The following MLC1 variants were observed in gnomAD, a reference collection of about 807,000 sequenced individuals.
MLC1 encodes the protein modulator of VRAC current 1, also known as membrane protein MLC1.
A neutral mutation model predicts 44.7 loss-of-function variants in MLC1; 32 were observed. The observed-to-expected ratio is 0.72, with a 90% CI of 0.54 to 0.96. The LOEUF (loss-of-function observed/expected upper bound fraction) is 0.96. Among genes scored for constraint, MLC1 ranks in the 40% least tolerant of loss-of-function variants. MLC1 has a pLI of 0.00. For missense variants in MLC1, 459 were observed against 492.2 expected (o/e 0.93, Z 0.64); for synonymous variants, 190 against 213.0 (o/e 0.89, Z 0.94).
Position 50,085,371 on chromosome 22 carries a change from C to T in MLC1, c.-76G>A. On this transcript the variant is annotated 5_prime_UTR_variant, in exon 1 of 12. Coordinates refer to ENST00000311597, the MANE Select transcript of MLC1 (RefSeq NM_015166.4). ...AGCACTTACCTCCCCCGCTGCTCTG[C>T]CGTTGGGAGCACTGGTCTCTGGGTG... The T allele has an allele frequency of 4.1e-6, 1 of 245,562 alleles. No homozygotes were observed. Among genetic ancestry groups the T allele is most frequent in the East Asian group, 1.1e-4 (1 of 9,078 alleles). 15.2% of individuals were successfully genotyped at this position (245,562 alleles called of 1,614,324 possible). A position where few individuals can be genotyped will look rare whatever the true frequency, so the allele number is the denominator to read the frequency against.
chr22:50,068,281 C>A, intron 10 of MLC1, 152 bp downstream of exon 10: 1 of 1,167,256 alleles, frequency 8.6e-7, no homozygotes, highest in Non-Finnish European at 1.2e-6. Flanking sequence ...TTGGGGAGCA[C>A]GGTCACCGCT....
At chr22:50,063,780 CCCCCCA>C (rs2061630060) in intron 11 of MLC1, among the ~76,000 whole-genome samples, 3 of 94,230 alleles carry the variant, frequency 3.2e-5, no homozygotes, top group East Asian at 3.1e-4. Flanking sequence ...CCTGGCTGGG[CCCCCCA>C]TGGGCCACTC....
At position 50,080,411 on chromosome 22, in the gene MLC1, G is replaced by A. The variant is rs374392611; in HGVS notation, c.268-14C>T. 74 of 1,597,636 alleles carry A rather than the reference G, an allele frequency of 4.6e-5. No individual in the cohort carries two copies. The African/African-American group carries it at 5.9e-4, about 13-fold the overall frequency. On this transcript the variant is annotated splice_polypyrimidine_tract_variant and intron_variant, in intron 3 of 11. Coordinates refer to ENST00000311597, the MANE Select transcript of MLC1 (RefSeq NM_015166.4). ...CGAGGGGATGCACTGGAATGAAACC[G>A]GAATCCCATGAGCCTGCCGCTCACC...
Position 50,064,162 on chromosome 22 carries a change from C to CTAGCAGCAG in MLC1, c.922_930dup (p.Leu308_Leu310dup). 6.2e-7 allele frequency: 1 copy of CTAGCAGCAG among 1,605,848 alleles called. No individual in the cohort carries two copies. Among genetic ancestry groups the CTAGCAGCAG allele is most frequent in the Non-Finnish European group, 8.5e-7 (1 of 1,179,552 alleles). ...TTGAGGCCGGCCTGCAGCAGGAGCACTAGCAGCAGCAGCAGCAGCAGCACA... is the reference window on the plus strand; with the variant it reads ...TTGAGGCCGGCCTGCAGCAGGAGCACTAGCAGCAGTAGCAGCAGCAGCAGCAGCAGCACA... On this transcript the variant is annotated inframe_insertion, in exon 11 of 12. Coordinates refer to ENST00000311597, the MANE Select transcript of MLC1 (RefSeq NM_015166.4).
intron 11 of MLC1, among the ~76,000 whole-genome samples, chr22:50,062,246 C>A (rs1028413187): frequency 7.2e-6 from 1 of 138,632 alleles, no homozygotes; most frequent in Non-Finnish European, 1.6e-5. Flanking sequence ...GAGCCCCAAC[C>A]GCCCACCCTG....
At chr22:50,072,018 G>A (rs922545016) in intron 8 of MLC1, among the ~76,000 whole-genome samples, 4 of 152,212 alleles carry the variant, frequency 2.6e-5, no homozygotes, top group Admixed American at 1.3e-4. Flanking sequence ...CTGCTGAGGT[G>A]GGTGTGGCCC....
At position 50,061,444 on chromosome 22, in the gene MLC1, A is replaced by G; in HGVS notation, c.*139T>C. 1 of 920,088 alleles carries G rather than the reference A, an allele frequency of 1.1e-6. No homozygotes were observed. Among genetic ancestry groups the G allele is most frequent in the Admixed American group, 1.8e-5 (1 of 54,498 alleles). 57.0% of individuals were successfully genotyped at this position (920,088 alleles called of 1,614,324 possible). A position where few individuals can be genotyped will look rare whatever the true frequency, so the allele number is the denominator to read the frequency against. ...AAAATTAAACTACCCTAGGAAGTGA[A>G]AACCCCACCTGCAGCCTGGTTTGCC... On this transcript the variant is annotated 3_prime_UTR_variant, in exon 12 of 12. Transcript: ENST00000311597.
Position 50,083,662 on chromosome 22 carries a change from A to T in MLC1, c.178-489T>A, listed in dbSNP as rs2146936973. The stretch of plus-strand genomic sequence containing the variant: ...GCCCAGGGGCTCCTGAGCAGGGAAG[A>T]CCCTAGCAGGAGGCAGGGAGGGTGC... On this transcript the variant is annotated intron_variant, in intron 2 of 11. Transcript: ENST00000311597. The surrounding 1 kb of genome is among the most constrained non-coding windows in gnomAD (Gnocchi z 4.6). Among the ~76,000 whole-genome samples the T allele has an allele frequency of 6.6e-6, 1 of 152,248 alleles. No homozygotes were observed. Among genetic ancestry groups the T allele is most frequent in the East Asian group, 1.9e-4 (1 of 5,170 alleles).
chr22:50,063,107 C>T (rs1359184356), intron 11 of MLC1, among the ~76,000 whole-genome samples: 1 of 152,166 alleles, frequency 6.6e-6, no homozygotes, highest in East Asian at 1.9e-4. Context: ...AAGAGCAAAT[C>T]TGAAAGCATT....
In MLC1 at chr22:50,061,334, C is replaced by T. The variant is rs966986718; in HGVS notation, c.*249G>A. ...CCTTCCTCGGCCTGGGAAGTTGCGG[C>T]CATGCTCCTGCTGTTACGACACGGG... On this transcript the variant is annotated 3_prime_UTR_variant, in exon 12 of 12. Transcript: ENST00000311597. 3.4e-5 allele frequency: 19 copies of T among 557,846 alleles called. No homozygotes were observed. Among genetic ancestry groups the T allele is most frequent in the Non-Finnish European group, 6.2e-5 (19 of 308,912 alleles). 34.6% of individuals were successfully genotyped at this position (557,846 alleles called of 1,614,324 possible).
At chr22:50,085,016 T>C in intron 1 of MLC1, 55 bp from the exon 2 acceptor site, 2 of 1,524,452 alleles carry the variant, frequency 1.3e-6, no homozygotes, top group South Asian at 1.2e-5. Flanking sequence ...CAATAAGTTG[T>C]TTCCAAGAAA....
chr22:50,080,555 C>T (rs1321741575), intron 3 of MLC1, among the ~76,000 whole-genome samples, 158 bp from the exon 4 acceptor site: 3 of 152,098 alleles, frequency 2.0e-5, no homozygotes, highest in Non-Finnish European at 4.4e-5. Context: ...CTAGAAGGCC[C>T]CCAGGTACTT....
At chr22:50,072,062 C>T (rs945395048) in intron 8 of MLC1, among the ~76,000 whole-genome samples, 4 of 152,234 alleles carry the variant, frequency 2.6e-5, no homozygotes, top group South Asian at 2.1e-4. Flanking sequence ...ATACAGGGGT[C>T]TCTCCTGGGC....
intron 7 of MLC1, chr22:50,074,600 G>T (rs964636177): frequency 2.1e-5 from 10 of 471,688 alleles, no homozygotes; most frequent in African/African-American, 2.0e-4. Context: ...GAAACTGAGG[G>T]TATTGACCTG....
intron 10 of MLC1, 58 bp downstream of exon 10, chr22:50,068,375 C>T (rs1046771784): frequency 9.4e-6 from 15 of 1,602,532 alleles, no homozygotes; most frequent in Non-Finnish European, 8.5e-7. Context: ...CAGCAAGGGC[C>T]AGGCCAACAC....
intron 11 of MLC1, among the ~76,000 whole-genome samples, chr22:50,063,102 C>T (rs575533197): frequency 6.6e-6 from 1 of 152,260 alleles, no homozygotes; most frequent in South Asian, 2.1e-4. Context: ...TCTCTAAGAG[C>T]AAATCTGAAA....
chr22:50,076,767 CG>C (rs2061991257), intron 7 of MLC1, 73 bp downstream of exon 7: 1 of 1,520,184 alleles, frequency 6.6e-7, no homozygotes, highest in Non-Finnish European at 9.1e-7. Flanking sequence ...GGAATCGAAA[CG>C]TGACGTTTAA....
rs537989418 is a variant in MLC1 at position 50,064,800 on chromosome 22, C to T, written c.895-602G>A. The stretch of plus-strand genomic sequence containing the variant: ...CAAAACCCTCTGTGCCCATGGATAG[C>T]TTTCCCGTGTTGGCTCAAGAAAAAC... On this transcript the variant is annotated intron_variant, in intron 10 of 11. Coordinates refer to ENST00000311597, the MANE Select transcript of MLC1 (RefSeq NM_015166.4). Among the ~76,000 whole-genome samples the T allele has an allele frequency of 6.6e-5, 10 of 152,326 alleles. No individual in the cohort carries two copies. The South Asian group carries it at 1.9e-3, about 28-fold the overall frequency.
At position 50,084,808 on chromosome 22, in the gene MLC1, G is replaced by A. The variant is rs200382943; in HGVS notation, c.95C>T (p.Ala32Val). 124 of 1,614,004 alleles carry A rather than the reference G, an allele frequency of 7.7e-5. 1 individual carries two copies. In the East Asian group the frequency reaches 2.2e-3, roughly 29 times the overall value. Residue 32 changes from alanine to valine, a missense_variant, in exon 2 of 12, where the codon GCG becomes GTG. Physicochemically the swap from Ala to Val is moderately conservative, Grantham distance 64. Coordinates refer to ENST00000311597, the MANE Select transcript of MLC1 (RefSeq NM_015166.4). ...RQDPASYAPD[A>V]KPSDLQLSKR... ...CGACAGCTGCAGGTCGCTCGGCTTC[G>A]CGTCTGGGGCATAGCTGGCGGGGTC...
Sources: allele counts gnomAD v4.1 joint callset (sites outside exome capture counted in the v4.1 genomes callset), GRCh38; gene constraint gnomAD v4.1.1; non-coding constraint Gnocchi (gnomAD v3.1); transcripts MANE v1.5; gene names NCBI Gene and HGNC (gene_info 2026-07-23, HGNC 2026-07-21).